ZNF578: variants seen among roughly 807,000 people sequenced by gnomAD.
The protein encoded by ZNF578 is Putative chemokine-related protein B42.
A neutral mutation model predicts 8.3 loss-of-function variants in ZNF578; 8 were observed. The observed-to-expected ratio is 0.96, with a 90% CI of 0.56 to 1.74. The LOEUF is 1.74. Among genes scored for constraint, ZNF578 ranks in the 40% most tolerant of loss-of-function variants. The pLI is 0.00. For missense variants in ZNF578, 726 were observed against 707.5 expected, an observed-to-expected ratio of 1.03 and a Z score of -0.30; for synonymous variants, 206 against 232.2, an observed-to-expected ratio of 0.89 and a Z score of 1.03.
chr19:52,499,015 G>A (rs1378154618), intron 3 of ZNF578, among the ~76,000 whole-genome samples: 1 of 152,154 alleles, frequency 6.6e-6, no homozygotes, highest in Non-Finnish European at 1.5e-5. Context: ...GGAAGACCAA[G>A]GCAGCCTATT....
intron 3 of ZNF578, among the ~76,000 whole-genome samples, chr19:52,493,553 G>T (rs1286683262): frequency 6.6e-6 from 1 of 152,148 alleles, no homozygotes; most frequent in African/African-American, 2.4e-5. Context: ...GACACCGGGG[G>T]ATCTGGGGTG....
In ZNF578 at chr19:52,516,513, G is replaced by A. The variant is rs1243031655; in HGVS notation, c.*4359G>A. Among the ~76,000 whole-genome samples, 1 of 152,202 alleles carries A rather than the reference G, an allele frequency of 6.6e-6. No individual in the cohort carries two copies. Among genetic ancestry groups the A allele is most frequent in the African/African-American group, 2.4e-5 (1 of 41,448 alleles). On this transcript the variant is annotated 3_prime_UTR_variant, in exon 6 of 6. Transcript: ENST00000421239. ...TGTCAGGCCTCTGAGCCCAAGCTAAGCCATCGTATCCCCTGTCACCTGCAC... is the reference window on the plus strand; with the variant it reads ...TGTCAGGCCTCTGAGCCCAAGCTAAACCATCGTATCCCCTGTCACCTGCAC...
chr19:52,503,225 G>C (rs1288274046), intron 4 of ZNF578, among the ~76,000 whole-genome samples: 2 of 152,114 alleles, frequency 1.3e-5, no homozygotes, highest in Non-Finnish European at 2.9e-5. Context: ...TTGTTGTCCA[G>C]GCTGGAGTGC....
chr19:52,490,804 A>G (rs2059362650), intron 2 of ZNF578, among the ~76,000 whole-genome samples: 1 of 152,042 alleles, frequency 6.6e-6, no homozygotes, highest in African/African-American at 2.4e-5. Flanking sequence ...CGCCTGGCTG[A>G]TTTTTGGAAT....
rs199779342 is a variant in ZNF578, at chr19:52,510,974, G to A, written c.593G>A (p.Cys198Tyr). The A allele has an allele frequency of 2.4e-4, 389 of 1,614,044 alleles. 1 individual carries two copies. Among genetic ancestry groups the A allele is most frequent in the Non-Finnish European group, 2.7e-4 (313 of 1,180,040 alleles). ...ATTTCAACATCCCAAAGAATTTCTT[G>A]TAGGCCTGAAACACATACTCCTAAT... ...SSISTSQRISCRPETHTPNNY... is the reference protein window; with the variant it reads ...SSISTSQRISYRPETHTPNNY... The change falls in exon 6 of 6, where the codon TGT becomes TAT. Residue 198 changes from cysteine (C) to tyrosine (Y), a missense_variant. Cys to Tyr is a radical substitution (Grantham distance 194). Transcript: ENST00000421239.
chr19:52,506,462 CTTTTTTT>C (rs35676968), intron 5 of ZNF578, among the ~76,000 whole-genome samples: 1 of 109,148 alleles, frequency 9.2e-6, no homozygotes, highest in African/African-American at 3.3e-5. Flanking sequence ...AGTACAGTTT[CTTTTTTT>C]TTTTTTTTTT....
chr19:52,463,046 A>G (rs1251813843), intron 2 of ZNF578, among the ~76,000 whole-genome samples: 2 of 152,174 alleles, frequency 1.3e-5, no homozygotes, highest in Non-Finnish European at 2.9e-5. Context: ...TTGTAATTGC[A>G]TATGAGGGGT....
At chr19:52,496,014 A>AGTT (rs2059384721) in intron 3 of ZNF578, among the ~76,000 whole-genome samples, 2 of 150,884 alleles carry the variant, frequency 1.3e-5, no homozygotes, top group Non-Finnish European at 2.9e-5. Flanking sequence ...TAATTAGTTT[A>AGTT]GTTGTCTTTT....
At chr19:52,498,833 C>T (rs1278925384) in intron 3 of ZNF578, among the ~76,000 whole-genome samples, 2 of 152,050 alleles carry the variant, frequency 1.3e-5, no homozygotes, top group Non-Finnish European at 2.9e-5. Context: ...CAGATGCACG[C>T]CACGATGCCT....
intron 2 of ZNF578, among the ~76,000 whole-genome samples, chr19:52,470,131 A>G (rs1204014074): frequency 6.6e-6 from 1 of 152,142 alleles, no homozygotes; most frequent in Non-Finnish European, 1.5e-5. Flanking sequence ...CTTCCCCACC[A>G]AGGCTGCTTT....
intron 4 of ZNF578, among the ~76,000 whole-genome samples, 160 bp from the exon 5 acceptor site, chr19:52,504,495 A>T (rs2059418416): frequency 6.6e-6 from 1 of 152,178 alleles, no homozygotes; most frequent in South Asian, 2.1e-4. Context: ...GTACAATAAA[A>T]TGCAACTATT....
At chr19:52,459,903 T>C (rs1307229368) in intron 2 of ZNF578, among the ~76,000 whole-genome samples, 2 of 145,038 alleles carry the variant, frequency 1.4e-5, no homozygotes, top group African/African-American at 5.1e-5. Flanking sequence ...GCCTTCCAAG[T>C]ACTACAGGTG....
intron 5 of ZNF578, among the ~76,000 whole-genome samples, chr19:52,507,733 C>T (rs1185016203): frequency 2.0e-5 from 3 of 152,116 alleles, no homozygotes; most frequent in Non-Finnish European, 4.4e-5. Flanking sequence ...AGGCAATGAG[C>T]TCTTTACTGT....
At chr19:52,470,129 C>T (rs1247145789) in intron 2 of ZNF578, among the ~76,000 whole-genome samples, 1 of 152,188 alleles carries the variant, frequency 6.6e-6, no homozygotes, top group Non-Finnish European at 1.5e-5. Flanking sequence ...TTCTTCCCCA[C>T]CAAGGCTGCT....
chr19:52,506,539 C>T (rs531683518), intron 5 of ZNF578, among the ~76,000 whole-genome samples: 40 of 143,250 alleles, frequency 2.8e-4, no homozygotes, highest in African/African-American at 9.0e-4. Flanking sequence ...GCAATTTCAG[C>T]TTAGTGCAAC....
intron 3 of ZNF578, among the ~76,000 whole-genome samples, chr19:52,499,435 C>T (rs73583040): frequency 0.022 from 3,314 of 152,240 alleles, 115 homozygotes; most frequent in African/African-American, 0.074. Context: ...CAGCTCTCTC[C>T]TGGGACATCA....
At chr19:52,488,063 T>C (rs1288806380) in intron 2 of ZNF578, among the ~76,000 whole-genome samples, 2 of 151,264 alleles carry the variant, frequency 1.3e-5, no homozygotes, top group Non-Finnish European at 2.9e-5. Context: ...CAAGCAATTC[T>C]ACTGCCTCAG....
intron 3 of ZNF578, among the ~76,000 whole-genome samples, chr19:52,496,041 A>T (rs376507246): frequency 6.6e-6 from 1 of 151,660 alleles, no homozygotes; most frequent in Non-Finnish European, 1.5e-5. Context: ...TCTTTTTGAG[A>T]TGGAGTCTCT....
At chr19:52,493,578 C>G (rs2059374412) in intron 3 of ZNF578, among the ~76,000 whole-genome samples, 2 of 151,688 alleles carry the variant, frequency 1.3e-5, no homozygotes, top group Non-Finnish European at 2.9e-5. Flanking sequence ...AGAGTGGGGA[C>G]AGGGGGGTAT....
Sources: allele counts gnomAD v4.1 joint callset (sites outside exome capture counted in the v4.1 genomes callset), GRCh38; gene constraint gnomAD v4.1.1; transcripts MANE v1.5; gene names NCBI Gene and HGNC (gene_info 2026-07-23, HGNC 2026-07-21).